RBM38: variants seen among roughly 807,000 people sequenced by gnomAD.
RBM38 encodes RNA-binding protein 38.
A neutral mutation model predicts 23.5 loss-of-function variants in RBM38; 11 were observed. That is an observed-to-expected ratio of 0.47 (90% CI 0.29 to 0.77). The LOEUF (loss-of-function observed/expected upper bound fraction) is 0.77. RBM38 is among the 30% of genes least tolerant of loss of function. RBM38 has a pLI of 0.08. For synonymous variants in RBM38, 165 were observed against 166.1 expected (o/e 0.99, Z 0.05); for missense variants, 330 against 351.9 (o/e 0.94, Z 0.50).
chr20:57,394,348 G>C (rs1428522416), intron 3 of RBM38, among the ~76,000 whole-genome samples: 1 of 65,582 alleles, frequency 1.5e-5, no homozygotes, highest in Non-Finnish European at 3.9e-5. Flanking sequence ...CCTGGGGCCT[G>C]GCTCCCAGGT....
At chr20:57,392,859 C>A (rs76198019) in intron 2 of RBM38, 82 bp downstream of exon 2, 38 of 1,541,418 alleles carry the variant, frequency 2.5e-5, no homozygotes, top group Non-Finnish European at 2.9e-5. Flanking sequence ...AGAGGCCCCC[C>A]CTCCTCGCCC....
intron 3 of RBM38, among the ~76,000 whole-genome samples, chr20:57,398,269 T>C (rs2067294580): frequency 1.3e-5 from 2 of 150,384 alleles, no homozygotes; most frequent in Non-Finnish European, 2.9e-5. Context: ...TGTGTGTGTG[T>C]GTGTGTACGC....
chr20:57,393,019 T>C, intron 2 of RBM38: 1 of 667,952 alleles, frequency 1.5e-6, no homozygotes, highest in Non-Finnish European at 2.5e-6. Context: ...CCAGCTGTCC[T>C]CGCAGGAGGG....
At chr20:57,396,027 C>T (rs1306771026) in intron 3 of RBM38, among the ~76,000 whole-genome samples, 2 of 152,240 alleles carry the variant, frequency 1.3e-5, no homozygotes, top group Non-Finnish European at 2.9e-5. Flanking sequence ...ATACCTTGCC[C>T]TGGACAACTC....
chr20:57,407,588 C>A lies in RBM38; in HGVS notation c.462C>A (p.Ser154Arg), dbSNP rs377524807. 15 of 1,613,784 alleles carry A rather than the reference C, an allele frequency of 9.3e-6. No homozygotes were observed. Among genetic ancestry groups the A allele is most frequent in the Non-Finnish European group, 1.3e-5 (15 of 1,179,842 alleles). Residue 154 changes from serine (S) to arginine (R), a missense_variant, in exon 4 of 4, where the codon AGC becomes AGA. Transcript: ENST00000356208. This position sits in a 1 kb window ranked among gnomAD's most constrained non-coding sequence, Gnocchi z 4.0. ...YIYPPAIVQP[S>R]VVIPAAPVPS... The stretch of plus-strand genomic sequence containing the variant: ...ACCCACCAGCCATCGTGCAGCCCAG[C>A]GTGGTGATCCCAGCCGCCCCTGTCC...
rs553522701 is a variant in RBM38 at position 57,405,361 on chromosome 20, C to T, written c.417-2182C>T. On this transcript the variant is annotated intron_variant, in intron 3 of 3. Coordinates refer to ENST00000356208, the MANE Select transcript of RBM38 (RefSeq NM_017495.6). ...TCAGAATTCAAACCCAGGCCTGGCT[C>T]CGCGCGAGGCCCTTGTTCCCATGGA... 1.5e-3 allele frequency among the ~76,000 whole-genome samples: 230 copies of T among 152,326 alleles called. 1 individual carries two copies. Among genetic ancestry groups the T allele is most frequent in the Non-Finnish European group, 2.7e-3 (186 of 68,026 alleles).
intron 1 of RBM38, chr20:57,392,412 C>T (rs1263576119): frequency 6.6e-7 from 1 of 1,524,040 alleles, no homozygotes; most frequent in Non-Finnish European, 8.8e-7. Flanking sequence ...TATTTTTGTC[C>T]TTGAAGGCCA....
At chr20:57,393,030 AGGAAGTGGC>A in intron 2 of RBM38, 1 of 655,114 alleles carries the variant, frequency 1.5e-6, no homozygotes, top group South Asian at 1.9e-5. Flanking sequence ...CGCAGGAGGG[AGGAAGTGGC>A]CATGGGGCCT....
chr20:57,395,726 A>G (rs1376554110), intron 3 of RBM38, among the ~76,000 whole-genome samples: 1 of 152,192 alleles, frequency 6.6e-6, no homozygotes, highest in Non-Finnish European at 1.5e-5. Flanking sequence ...TGCCTGGGTC[A>G]GCTGTCTGCC....
Position 57,392,719 on chromosome 20 carries a change from C to T in RBM38, c.303C>T (p.Gly101=), listed in dbSNP as rs371164767. The T allele has an allele frequency of 3.1e-6, 5 of 1,612,884 alleles. No homozygotes were observed. The African/African-American group carries it at 4.0e-5, about 13-fold the overall frequency. Residue 101 remains glycine (G), a synonymous_variant, in exon 2 of 4, where the codon GGC becomes GGT. Coordinates refer to ENST00000356208, the MANE Select transcript of RBM38 (RefSeq NM_017495.6). ...AAGACCCGAACCCCATCATCGACGGCCGCAAGGCCAACGTGAACCTGGCAT... is the reference window on the plus strand; with the variant it reads ...AAGACCCGAACCCCATCATCGACGGTCGCAAGGCCAACGTGAACCTGGCAT... ...ACKDPNPIID[G]RKANVNLAYL...
Position 57,391,487 on chromosome 20 carries a change from TG to T in RBM38, c.-93del. ...CGCCGGAGTGGTCGGGCCTGGCGGC[TG>T]GACGGGCGCCCCTCGCTGCCCCGCG... On this transcript the variant is annotated 5_prime_UTR_variant, in exon 1 of 4. Transcript: ENST00000356208. The T allele has an allele frequency of 4.8e-6, 1 of 209,886 alleles. No individual in the cohort carries two copies. Among genetic ancestry groups the T allele is most frequent in the Non-Finnish European group, 8.1e-6 (1 of 124,088 alleles). The allele number at this position is 209,886 out of a possible 1,614,324, so 13.0% of individuals were successfully genotyped here. A position where few individuals can be genotyped will look rare whatever the true frequency, so the allele number is the denominator to read the frequency against.
intron 3 of RBM38, among the ~76,000 whole-genome samples, chr20:57,394,916 G>A (rs560983851): frequency 2.7e-4 from 41 of 152,226 alleles, no homozygotes; most frequent in Middle Eastern, 3.4e-3. Flanking sequence ...GTCTGGGCTC[G>A]CTCTGATCCA....
In RBM38 at chr20:57,409,015, C is replaced by T. The variant is rs1242263111; in HGVS notation, c.*1169C>T. On this transcript the variant is annotated 3_prime_UTR_variant, in exon 4 of 4. Coordinates refer to ENST00000356208, the MANE Select transcript of RBM38 (RefSeq NM_017495.6). ...CCCCGCACCACCTGCTGTGTGCCAGCCTGAGACGGTTCCTGCCTGTCTTGG... is the reference window on the plus strand; with the variant it reads ...CCCCGCACCACCTGCTGTGTGCCAGTCTGAGACGGTTCCTGCCTGTCTTGG... The T allele has an allele frequency of 6.5e-6, 1 of 152,770 alleles. No individual in the cohort carries two copies. The highest frequency in any genetic ancestry group is 1.5e-5 in the Non-Finnish European group (1 of 68,162). The allele number at this position is 152,770 out of a possible 1,614,324, so 9.5% of individuals were successfully genotyped here. A position where few individuals can be genotyped will look rare whatever the true frequency, so the allele number is the denominator to read the frequency against.
At chr20:57,393,643 G>A (rs1183687376) in intron 3 of RBM38, among the ~76,000 whole-genome samples, 2 of 152,196 alleles carry the variant, frequency 1.3e-5, no homozygotes, top group Non-Finnish European at 2.9e-5. Flanking sequence ...TTCTCTGAAT[G>A]GAGGGCCTAG....
chr20:57,401,404 C>G (rs1466855824), intron 3 of RBM38, among the ~76,000 whole-genome samples: 1 of 152,210 alleles, frequency 6.6e-6, no homozygotes, highest in African/African-American at 2.4e-5. Flanking sequence ...CCAGCCTGCC[C>G]AGCCCTGGCT....
chr20:57,391,799 A>T lies in RBM38; in HGVS notation c.218A>T (p.Lys73Met). ...GTCATCACCGACCGCCAGACGGGCA[A>T]GTCCCGCGGCTACGGCTTCGTAAGT... Reference protein sequence around the residue: ...AVVITDRQTGKSRGYGFVTMA... With the variant: ...AVVITDRQTGMSRGYGFVTMA... The change falls in exon 1 of 4, where the codon AAG becomes ATG. Residue 73 changes from lysine to methionine, a missense_variant. By Grantham distance (95) the Lys-to-Met change is moderately conservative (BLOSUM62 -1). Coordinates refer to ENST00000356208, the MANE Select transcript of RBM38 (RefSeq NM_017495.6). 6.4e-7 allele frequency: 1 copy of T among 1,557,096 alleles called. No individual in the cohort carries two copies. Among genetic ancestry groups the T allele is most frequent in the Non-Finnish European group, 8.7e-7 (1 of 1,150,852 alleles).
intron 3 of RBM38, among the ~76,000 whole-genome samples, chr20:57,399,011 C>T (rs1309202184): frequency 6.6e-6 from 1 of 152,208 alleles, no homozygotes; most frequent in African/African-American, 2.4e-5. Flanking sequence ...CTGGGGATGC[C>T]TGCCATGGGG....
intron 3 of RBM38, among the ~76,000 whole-genome samples, chr20:57,405,330 CGA>C (rs1238220674): frequency 6.6e-6 from 1 of 152,222 alleles, no homozygotes; most frequent in Non-Finnish European, 1.5e-5. Flanking sequence ...CGTCACAGCT[CGA>C]GAGTCAGAAT....
At chr20:57,404,729 C>T (rs6025537) in intron 3 of RBM38, among the ~76,000 whole-genome samples, 14,736 of 152,338 alleles carry the variant, frequency 0.097, 2,270 homozygotes, top group African/African-American at 0.33. Context: ...GAGCCATCTC[C>T]CTGACAGAAC....
Sources: gnomAD v4.1 joint callset for allele counts (sites outside exome capture counted in the v4.1 genomes callset) on GRCh38, gnomAD v4.1.1 for gene constraint, Gnocchi (gnomAD v3.1) non-coding constraint, MANE v1.5 for transcripts, NCBI Gene and HGNC (gene_info 2026-07-23, HGNC 2026-07-21) for gene names.